Variants in DNA2 observed in about 807,000 individuals in gnomAD.
DNA2 encodes DNA replication ATP-dependent helicase/nuclease DNA2.
DNA2 carries 101 observed loss-of-function variants against 119.1 expected under a neutral mutation model. That is an observed-to-expected ratio of 0.85 (90% CI 0.72 to 1.00). DNA2 has a LOEUF of 1.00. Ranked by LOEUF, DNA2 falls within the 50% of genes least tolerant of loss-of-function variation. The pLI, the probability that DNA2 is intolerant of heterozygous loss-of-function variation, is 0.00. For synonymous variants in DNA2, 366 were observed against 424.4 expected, an observed-to-expected ratio of 0.86 and a Z score of 1.69; for missense variants, 1,121 against 1,255.5, an observed-to-expected ratio of 0.89 and a Z score of 1.62.
intron 8 of DNA2, among the ~76,000 whole-genome samples, chr10:68,444,611 C>G (rs2133401579): frequency 6.6e-6 from 1 of 150,930 alleles, no homozygotes; most frequent in South Asian, 2.1e-4. Context: ...GTAATCCCAG[C>G]TACTTGGGAG....
In DNA2 at chr10:68,416,750, G is replaced by A; in HGVS notation, c.3073C>T (p.Pro1025Ser). 1 of 1,613,870 alleles carries A rather than the reference G, an allele frequency of 6.2e-7. No homozygotes were observed. Among genetic ancestry groups the A allele is most frequent in the Non-Finnish European group, 8.5e-7 (1 of 1,179,796 alleles). ...GCVPSLNCYP[P>S]LEKLLNHLNS... is the part of the protein sequence containing the mutation. The stretch of plus-strand genomic sequence containing the variant: ...AAATGATTAAGCAGCTTCTCCAAAG[G>A]AGGATAGCAATTTAGTGAGGGCACA... Residue 1025 changes from proline (P) to serine (S), a missense_variant, in exon 20 of 21, where the codon CCT (proline) becomes TCT (serine). Transcript: ENST00000358410.
intron 14 of DNA2, among the ~76,000 whole-genome samples, chr10:68,429,870 T>TA (rs1304686557): frequency 6.7e-6 from 1 of 148,592 alleles, no homozygotes; most frequent in Non-Finnish European, 1.5e-5. Context: ...TCAAACTTAC[T>TA]AAAAAACCCG....
chr10:68,432,468 G>A lies in DNA2; in HGVS notation c.1689C>T (p.Asp563=). 1 of 1,579,632 alleles carries A rather than the reference G, an allele frequency of 6.3e-7. No homozygotes were observed. Among genetic ancestry groups the A allele is most frequent in the Non-Finnish European group, 8.6e-7 (1 of 1,163,064 alleles). Residue 563 remains aspartate, a synonymous_variant, in exon 11 of 21, where the codon GAC becomes GAT. Transcript: ENST00000358410. The stretch of plus-strand genomic sequence containing the variant: ...CTATATCACAATTTTTTTCTTCTTG[G>A]TCTAATCTGAACAAAGTTGATTCTG... ...VLPESTLFRL[D]QEEKNCDIDT... is the part of the protein sequence containing the mutation.
chr10:68,449,630 A>C (rs532831183), intron 6 of DNA2, among the ~76,000 whole-genome samples: 1 of 152,280 alleles, frequency 6.6e-6, no homozygotes, highest in African/African-American at 2.4e-5. Context: ...TACAAAAATT[A>C]GTCAGGCATA....
intron 9 of DNA2, among the ~76,000 whole-genome samples, chr10:68,437,855 C>A (rs1197318236): frequency 6.6e-6 from 1 of 151,898 alleles, no homozygotes; most frequent in Non-Finnish European, 1.5e-5. Flanking sequence ...GGATTACAGG[C>A]ATACACCACC....
rs188215060 is a variant in DNA2 at position 68,445,301 on chromosome 10, C to A, written c.1058-218G>T. On this transcript the variant is annotated intron_variant, in intron 7 of 20. Coordinates refer to ENST00000358410, the MANE Select transcript of DNA2 (RefSeq NM_001080449.3). ...CCAACACGGTGAAACCCCGTCTCTA[C>A]TAAAAATACATAATTAGCTGGGATT... Among the ~76,000 whole-genome samples, 108 of 152,164 alleles carry A rather than the reference C, an allele frequency of 7.1e-4. 1 individual carries two copies. Among genetic ancestry groups the A allele is most frequent in the African/African-American group, 2.5e-3 (104 of 41,532 alleles).
chr10:68,418,499 T>C (rs998180405), intron 19 of DNA2, among the ~76,000 whole-genome samples: 16 of 147,830 alleles, frequency 1.1e-4, no homozygotes, highest in Non-Finnish European at 1.3e-4. Context: ...AAAACCAGAA[T>C]ACATCTGCAG....
At chr10:68,442,055 C>G (rs2051975970) in intron 9 of DNA2, among the ~76,000 whole-genome samples, 1 of 151,638 alleles carries the variant, frequency 6.6e-6, no homozygotes, top group South Asian at 2.1e-4. Flanking sequence ...CCTGGGACTA[C>G]AGACATGCAC....
chr10:68,437,759 T>G (rs986047904), intron 9 of DNA2, among the ~76,000 whole-genome samples: 1 of 152,134 alleles, frequency 6.6e-6, no homozygotes, highest in Non-Finnish European at 1.5e-5. Context: ...AAGTAAACAT[T>G]CTCTTAGTTT....
chr10:68,424,770 G>C lies in DNA2; in HGVS notation c.2209-1880C>G, dbSNP rs62621124. On this transcript the variant is annotated intron_variant, in intron 14 of 20. Coordinates refer to ENST00000358410, the MANE Select transcript of DNA2 (RefSeq NM_001080449.3). ...CAAAGGTCAGCAAATTGGCAAGGTAGTCCAGGTGTACAGAAAGAAAGATGT... is the reference window on the plus strand; with the variant it reads ...CAAAGGTCAGCAAATTGGCAAGGTACTCCAGGTGTACAGAAAGAAAGATGT... The C allele has an allele frequency of 2.2e-6, 3 of 1,379,462 alleles. No individual in the cohort carries two copies. In the African/African-American group the frequency reaches 4.3e-5, roughly 20 times the overall value. The allele number at this position is 1,379,462 out of a possible 1,614,324, so 85.5% of individuals were successfully genotyped here.
chr10:68,459,165 AT>A lies in DNA2; in HGVS notation c.657del (p.Lys219AsnfsTer38). The A allele has an allele frequency of 6.3e-7, 1 of 1,592,530 alleles. No homozygotes were observed. Among genetic ancestry groups the A allele is most frequent in the East Asian group, 2.3e-5 (1 of 44,334 alleles). ...EVEDYLPSFC[K>X]WAGDFMHKNT... ...TTTTTATGCATGAAATCTCCTGCCCATTTACAAAACGAAGGAAGATAGTCCT... is the reference window on the plus strand; with the variant it reads ...TTTTTATGCATGAAATCTCCTGCCCATTACAAAACGAAGGAAGATAGTCCT... On this transcript the variant is annotated frameshift_variant, in exon 5 of 21. Coordinates refer to ENST00000358410, the MANE Select transcript of DNA2 (RefSeq NM_001080449.3). LOFTEE classifies it high-confidence loss of function.
Position 68,446,299 on chromosome 10 carries a change from T to A in DNA2, c.1054A>T (p.Arg352Ter), listed in dbSNP as rs1332647995. The A allele has an allele frequency of 6.4e-7, 1 of 1,564,696 alleles. No individual in the cohort carries two copies. Among genetic ancestry groups the A allele is most frequent in the East Asian group, 2.3e-5 (1 of 43,384 alleles). The change falls in exon 7 of 21, where the codon AGA becomes TGA. Residue 352 changes from arginine (R) to a stop codon, truncating the protein, a stop_gained. Transcript: ENST00000358410. LOFTEE classifies it high-confidence loss of function. Reference protein sequence around the residue: ...YPVPANHLDKRELLKLRNQMA... With the variant: ...YPVPANHLDK ...ACTAAAAAAAAAACGGCTCAACCTC[T>A]TTTATCTAGATGGTTGGCAGGCACA...
Position 68,422,254 on chromosome 10 carries a change from T to C in DNA2, c.2668A>G (p.Asn890Asp), listed in dbSNP as rs1427581975. The change falls in exon 17 of 21, where the codon AAT (asparagine) becomes GAT (aspartate). Residue 890 changes from asparagine to aspartate, a missense_variant. Coordinates refer to ENST00000358410, the MANE Select transcript of DNA2 (RefSeq NM_001080449.3). ...TCTGTATTAAGGAAACAAACAGGAT[T>C]GTTGGGTTCAAATACTCCCATCAAC... ...PWLMGVFEPN[N>D]PVCFLNTDKV... The C allele has an allele frequency of 6.2e-7, 1 of 1,610,846 alleles. No individual in the cohort carries two copies. The highest frequency in any genetic ancestry group is 1.3e-5 in the African/African-American group (1 of 74,872).
rs1027703682 is a variant in DNA2 at position 68,422,827 on chromosome 10, A to C, written c.2272T>G (p.Phe758Val). The stretch of plus-strand genomic sequence containing the variant: ...TGAGAGGCTTCATCCACAATACAAA[A>C]ATCAAAAATTTTACGGGAAAATATT... ...HPIFSRKIFD[F>V]CIVDEASQIS... is the part of the protein sequence containing the mutation. Residue 758 changes from phenylalanine to valine, a missense_variant, in exon 15 of 21, where the codon TTT becomes GTT. Phe to Val is a conservative substitution (Grantham distance 50). Coordinates refer to ENST00000358410, the MANE Select transcript of DNA2 (RefSeq NM_001080449.3). 3.7e-6 allele frequency: 6 copies of C among 1,608,422 alleles called. No homozygotes were observed. The highest frequency in any genetic ancestry group is 5.1e-6 in the Non-Finnish European group (6 of 1,178,768).
intron 5 of DNA2, among the ~76,000 whole-genome samples, chr10:68,451,188 T>C (rs920151055): frequency 6.6e-6 from 1 of 151,510 alleles, no homozygotes; most frequent in African/African-American, 2.4e-5. Context: ...CATCCCCAGG[T>C]GACAATCTTC....
At chr10:68,451,057 G>T (rs2052110526) in intron 5 of DNA2, among the ~76,000 whole-genome samples, 5 of 146,982 alleles carry the variant, frequency 3.4e-5, no homozygotes, top group African/African-American at 7.6e-5. Context: ...CCAAGATCGT[G>T]CCACTGCACT....
In DNA2 at chr10:68,443,063, C is replaced by G. The variant is rs2051992005; in HGVS notation, c.1269G>C (p.Leu423=). Residue 423 remains leucine, a synonymous_variant, in exon 9 of 21, where the codon CTG becomes CTC. Transcript: ENST00000358410. ...GCTGGGTTTCTTCTTCTATTTTGGG[C>G]AGCATCACAATTGGGACTGAACTAC... ...MDCSSVPIVM[L]PKIEEETQHL... is the part of the protein sequence containing the mutation. 1 of 1,588,416 alleles carries G rather than the reference C, an allele frequency of 6.3e-7. No homozygotes were observed. The highest frequency in any genetic ancestry group is 1.8e-5 in the Admixed American group (1 of 55,116).
At chr10:68,470,282 T>C (rs1034576287) in intron 1 of DNA2, 119 bp from the exon 2 acceptor site, 12 of 875,408 alleles carry the variant, frequency 1.4e-5, no homozygotes, top group Non-Finnish European at 2.0e-5. Flanking sequence ...GAAAAGCTTA[T>C]TGCAATGACA....
At chr10:68,429,940 T>C (rs1407599963) in intron 14 of DNA2, among the ~76,000 whole-genome samples, 1 of 145,344 alleles carries the variant, frequency 6.9e-6, no homozygotes, top group African/African-American at 2.6e-5. Context: ...TGGAGTGCAG[T>C]GGCGCGATCT....
Sources: allele counts gnomAD v4.1 joint callset (sites outside exome capture counted in the v4.1 genomes callset), GRCh38; gene constraint gnomAD v4.1.1; transcripts MANE v1.5; gene names NCBI Gene and HGNC (gene_info 2026-07-23, HGNC 2026-07-21).